Variants in CD300LD observed in about 807,000 individuals in gnomAD.
CD300LD encodes CD300 molecule like family member d.
In CD300LD, 18 loss-of-function variants were observed where a neutral mutation model predicts 20.3. That is an observed-to-expected ratio of 0.89 (90% CI 0.61 to 1.32). CD300LD has a LOEUF of 1.32. CD300LD is among the 40% of genes most tolerant of loss of function. CD300LD has a pLI of 0.00. For missense variants in CD300LD, 195 were observed against 226.6 expected (o/e 0.86, Z 0.90); for synonymous variants, 104 against 90.1 (o/e 1.15, Z -0.87).
intron 3 of CD300LD, 64 bp downstream of exon 3, chr17:74,582,154 C>A: frequency 3.8e-6 from 5 of 1,323,894 alleles, no homozygotes; most frequent in Non-Finnish European, 5.3e-6. Context: ...TCTGGCAACC[C>A]CTGTTAGAGG....
chr17:74,587,851 G>GA (rs55690514), intron 2 of CD300LD, among the ~76,000 whole-genome samples: 257 of 149,232 alleles, frequency 1.7e-3, no homozygotes, highest in Non-Finnish European at 2.5e-3. Context: ...GCTGTGCAGA[G>GA]AAAAAAAAAA....
At chr17:74,585,896 G>T (rs989675740) in intron 2 of CD300LD, among the ~76,000 whole-genome samples, 65 of 152,240 alleles carry the variant, frequency 4.3e-4, no homozygotes, top group Middle Eastern at 3.4e-3. Flanking sequence ...TTAGGTAATC[G>T]TCCTTATTCA....
At chr17:74,580,914 A>G (rs2030021150) in intron 3 of CD300LD, among the ~76,000 whole-genome samples, 1 of 151,942 alleles carries the variant, frequency 6.6e-6, no homozygotes, top group East Asian at 1.9e-4. Context: ...AAAAAAAAAA[A>G]AAAAGACAGA....
At chr17:74,583,981 T>C (rs1057094903) in intron 2 of CD300LD, among the ~76,000 whole-genome samples, 1 of 152,112 alleles carries the variant, frequency 6.6e-6, no homozygotes, top group Non-Finnish European at 1.5e-5. Context: ...CTCAAACTCC[T>C]AGCCTCAAGT....
chr17:74,587,098 G>A (rs551139005), intron 2 of CD300LD, among the ~76,000 whole-genome samples: 7 of 151,712 alleles, frequency 4.6e-5, no homozygotes, highest in East Asian at 3.9e-4. Flanking sequence ...GTGGTGAGCC[G>A]AGATCGTGCC....
intron 2 of CD300LD, among the ~76,000 whole-genome samples, chr17:74,584,512 A>G (rs1353306570): frequency 6.6e-6 from 1 of 152,218 alleles, no homozygotes; most frequent in Non-Finnish European, 1.5e-5. Flanking sequence ...GAGGGCAGTC[A>G]CACCCCAAGT....
Position 74,588,655 on chromosome 17 carries a change from C to T in CD300LD, c.235G>A (p.Val79Ile). The T allele has an allele frequency of 3.7e-6, 6 of 1,614,192 alleles. No individual in the cohort carries two copies. Among genetic ancestry groups the T allele is most frequent in the Non-Finnish European group, 5.1e-6 (6 of 1,180,040 alleles). ...TTTTTCTGATTGTCCCTGATGGAAA[C>T]TCGATTCTTCTTTACCTCCTGCTCT... ...GSEQEVKKNR[V>I]SIRDNQKNHV... The change falls in exon 2 of 4, where the codon GTT (valine) becomes ATT (isoleucine). Residue 79 changes from valine (V) to isoleucine (I), a missense_variant. Val to Ile is a conservative substitution (Grantham distance 29). Transcript: ENST00000375352.
At chr17:74,582,418 G>A in intron 2 of CD300LD, 107 bp from the exon 3 acceptor site, 1 of 745,308 alleles carries the variant, frequency 1.3e-6, no homozygotes, top group Non-Finnish European at 2.2e-6. Flanking sequence ...CTGCCTTGGG[G>A]TCCAAGACTG....
At chr17:74,588,457 G>C in intron 2 of CD300LD, 54 bp downstream of exon 2, 1 of 1,202,170 alleles carries the variant, frequency 8.3e-7, no homozygotes, top group Non-Finnish European at 1.2e-6. Context: ...GGACCTCAGG[G>C]ACCAGGACAG....
intron 2 of CD300LD, among the ~76,000 whole-genome samples, chr17:74,586,528 G>A (rs1252280775): frequency 6.6e-6 from 1 of 152,112 alleles, no homozygotes; most frequent in African/African-American, 2.4e-5. Context: ...CGAGAAGGGG[G>A]CCTGGACCCG....
intron 2 of CD300LD, among the ~76,000 whole-genome samples, chr17:74,584,403 A>G (rs2030109270): frequency 6.6e-6 from 1 of 152,224 alleles, no homozygotes; most frequent in Non-Finnish European, 1.5e-5. Context: ...TGACCAACAC[A>G]GTATAGCACT....
rs796881377 is a variant in CD300LD, at chr17:74,587,975, T to C, written c.379+536A>G. Among the ~76,000 whole-genome samples, 4 of 152,194 alleles carry C rather than the reference T, an allele frequency of 2.6e-5. No homozygotes were observed. In the South Asian group the frequency reaches 8.3e-4, roughly 32 times the overall value. ...CAGGGTCCTATGAGACCTGTCTTAGTCTACTTTTTCTTGCTTATAACAGAA... is the reference window on the plus strand; with the variant it reads ...CAGGGTCCTATGAGACCTGTCTTAGCCTACTTTTTCTTGCTTATAACAGAA... On this transcript the variant is annotated intron_variant, in intron 2 of 3. Coordinates refer to ENST00000375352, the MANE Select transcript of CD300LD (RefSeq NM_001115152.2).
chr17:74,585,267 T>C (rs748993736), intron 2 of CD300LD, among the ~76,000 whole-genome samples: 1 of 152,214 alleles, frequency 6.6e-6, no homozygotes, highest in Non-Finnish European at 1.5e-5. Flanking sequence ...TTAAATTTGA[T>C]CTTTTTGTTT....
rs747656118 is a variant in CD300LD at position 74,592,280 on chromosome 17, C to A, written c.-78G>T. ...GGGACTTGAATCCAAGCTCGGAAGT[C>A]AACACCGCAAACCTACTCGAATCTC... On this transcript the variant is annotated 5_prime_UTR_variant, in exon 1 of 4. Coordinates refer to ENST00000375352, the MANE Select transcript of CD300LD (RefSeq NM_001115152.2). The A allele has an allele frequency of 1.2e-6, 2 of 1,613,802 alleles. No individual in the cohort carries two copies. The highest frequency in any genetic ancestry group is 2.2e-5 in the East Asian group (1 of 44,864).
intron 1 of CD300LD, among the ~76,000 whole-genome samples, chr17:74,591,786 C>T (rs549270350): frequency 4.6e-4 from 68 of 149,016 alleles, no homozygotes; most frequent in Middle Eastern, 3.5e-3. Context: ...AAGAAGCACT[C>T]CAGCCTGGGT....
Position 74,582,209 on chromosome 17 carries a change from TCCA to T in CD300LD, c.473+6_473+8del. 1 of 1,612,974 alleles carries T rather than the reference TCCA, an allele frequency of 6.2e-7. No individual in the cohort carries two copies. Among genetic ancestry groups the T allele is most frequent in the East Asian group, 2.2e-5 (1 of 44,842 alleles). On this transcript the variant is annotated splice_donor_region_variant and intron_variant, in intron 3 of 3. Coordinates refer to ENST00000375352, the MANE Select transcript of CD300LD (RefSeq NM_001115152.2). ...CTGTGCGAAAGTGGTGGGACCTGGC[TCCA>T]CCTACCTGGTGAGGGGGCTGCTGGT...
intron 1 of CD300LD, among the ~76,000 whole-genome samples, chr17:74,589,184 T>A (rs2030247544): frequency 1.3e-5 from 2 of 152,192 alleles, no homozygotes; most frequent in African/African-American, 4.8e-5. Context: ...GTTATACTGG[T>A]CTGATGGGGA....
At chr17:74,591,268 A>AAATAATAATAATAATAATAAT (rs58060319) in intron 1 of CD300LD, among the ~76,000 whole-genome samples, 1,832 of 142,374 alleles carry the variant, frequency 0.013, 46 homozygotes, top group African/African-American at 0.044. Flanking sequence ...AAAAAAATAA[A>AAATAATAATAATAATAATAAT]AATAATAATA....
At position 74,588,749 on chromosome 17, in the gene CD300LD, G is replaced by T. The variant is rs368705571; in HGVS notation, c.141C>A (p.Thr47=). The T allele has an allele frequency of 2.5e-5, 40 of 1,614,044 alleles. No homozygotes were observed. The African/African-American group carries it at 4.3e-4, about 17-fold the overall frequency. Residue 47 remains threonine, a synonymous_variant, in exon 2 of 4, where the codon ACC becomes ACA. Transcript: ENST00000375352. The stretch of plus-strand genomic sequence containing the variant: ...CTCCTTGACACCGCCACTTCAAGTA[G>T]GTCTCCCAGCCTGAGCCATAAGCAC... ...VQCAYGSGWE[T]YLKWRCQGAD...
Sources: gnomAD v4.1 joint callset for allele counts (sites outside exome capture counted in the v4.1 genomes callset) on GRCh38, gnomAD v4.1.1 for gene constraint, MANE v1.5 for transcripts, NCBI Gene and HGNC (gene_info 2026-07-23, HGNC 2026-07-21) for gene names.